The following LMLN variants were observed in gnomAD, a reference collection of about 807,000 sequenced individuals.
The protein encoded by LMLN is leishmanolysin-like peptidase.
In LMLN, 70 loss-of-function variants were observed where a neutral mutation model predicts 92.3. The ratio of observed to expected loss-of-function variants is 0.76; its 90% CI spans 0.63 to 0.92. The LOEUF is 0.92. Among genes scored for constraint, LMLN ranks in the 40% least tolerant of loss-of-function variants. The pLI is 0.00. For missense variants in LMLN, 691 were observed against 814.6 expected, an observed-to-expected ratio of 0.85 and a Z score of 1.85; for synonymous variants, 308 against 296.2, an observed-to-expected ratio of 1.04 and a Z score of -0.41.
chr3:198,009,491 T>C lies in LMLN; in HGVS notation c.1233-9762T>C, dbSNP rs538957135. On this transcript the variant is annotated intron_variant, in intron 11 of 15. Coordinates refer to ENST00000330198, the Ensembl canonical transcript of LMLN. The stretch of plus-strand genomic sequence containing the variant: ...GTAATACTAGCTTTATAAAATGAAC[T>C]AGGAAGTTTTTCCTCCTCTTCTATT... 9.8e-5 allele frequency among the ~76,000 whole-genome samples: 15 copies of C among 152,360 alleles called. No individual in the cohort carries two copies. The South Asian group carries it at 2.9e-3, about 29-fold the overall frequency.
intron 1 of LMLN, among the ~76,000 whole-genome samples, chr3:197,964,848 A>C (rs1375336416): frequency 1.3e-5 from 2 of 151,936 alleles, no homozygotes; most frequent in African/African-American, 2.4e-5. Flanking sequence ...CTCTACTAAA[A>C]ATACAAAAAT....
At chr3:197,964,688 C>T (rs1299952588) in intron 1 of LMLN, among the ~76,000 whole-genome samples, 5 of 151,302 alleles carry the variant, frequency 3.3e-5, no homozygotes, top group African/African-American at 4.8e-5. Flanking sequence ...TGAGCCACCA[C>T]GCCCGGCCTA....
Position 197,986,862 on chromosome 3 carries a change from G to GAC in LMLN, c.929+974_929+975dup, listed in dbSNP as rs1553819032. Among the ~76,000 whole-genome samples, 221 of 105,646 alleles carry GAC rather than the reference G, an allele frequency of 2.1e-3. 2 individuals carry two copies. Among genetic ancestry groups the GAC allele is most frequent in the African/African-American group, 0.015 (202 of 13,166 alleles). 69.3% of individuals were successfully genotyped at this position (105,646 alleles called of 152,430 possible). The stretch of plus-strand genomic sequence containing the variant: ...TTTTTTTCTTTTTTTTTTTTTTTGA[G>GAC]ACAGTCTCGCTCTGTCGTTCAGGCT... On this transcript the variant is annotated intron_variant, in intron 8 of 15. Coordinates refer to ENST00000330198, the Ensembl canonical transcript of LMLN.
rs533088562 is a variant in LMLN, at chr3:197,964,353, T to A, written c.219+3913T>A. On this transcript the variant is annotated intron_variant, in intron 1 of 15. Transcript: ENST00000330198. ...GCTGCTCTTCACAAATTTTGACACT[T>A]TGCATTTTAATTATCATTTAGGTTA... Among the ~76,000 whole-genome samples the A allele has an allele frequency of 2.0e-5, 3 of 152,202 alleles. No individual in the cohort carries two copies. In the South Asian group the frequency reaches 6.2e-4, roughly 32 times the overall value.
intron 14 of LMLN, 85 bp from the exon 16 acceptor site, chr3:198,035,748 T>A (rs1723201659): frequency 9.8e-7 from 1 of 1,024,906 alleles, no homozygotes; most frequent in Admixed American, 2.4e-5. Context: ...TAATATATTT[T>A]CCTGTAGTTG....
intron 15 of LMLN, 152 bp downstream of exon 16, chr3:198,036,195 C>T (rs2109959869): frequency 1.4e-6 from 1 of 693,736 alleles, no homozygotes; most frequent in East Asian, 2.7e-5. Flanking sequence ...CTCCTTCCCA[C>T]CATTATCGGA....
At chr3:198,038,428 G>T in intron 15 of LMLN, 139 bp from the exon 17 acceptor site, 3 of 627,476 alleles carry the variant, frequency 4.8e-6, no homozygotes, top group South Asian at 4.3e-5. Flanking sequence ...TTTATACCTG[G>T]GTTTTGCTCT....
At chr3:197,984,286 G>C (rs1721637590) in intron 7 of LMLN, among the ~76,000 whole-genome samples, 1 of 152,034 alleles carries the variant, frequency 6.6e-6, no homozygotes, top group Admixed American at 6.6e-5. Flanking sequence ...AGGATGGCTT[G>C]AGCCCAGGGA....
chr3:198,020,768 AT>A (rs71166715), intron 12 of LMLN, among the ~76,000 whole-genome samples: 1,233 of 32,804 alleles, frequency 0.038, 3 homozygotes, highest in East Asian at 0.12. Context: ...TAATTTTTGT[AT>A]TTTTTTTTTT....
At chr3:198,026,563 C>G (rs907430007) in intron 14 of LMLN, among the ~76,000 whole-genome samples, 1 of 152,194 alleles carries the variant, frequency 6.6e-6, no homozygotes, top group Non-Finnish European at 1.5e-5. Context: ...CCTCAGCCTC[C>G]CAAAGTGCTG....
chr3:198,013,165 C>T (rs111232614), intron 11 of LMLN, among the ~76,000 whole-genome samples: 4,433 of 105,486 alleles, frequency 0.042, 178 homozygotes, highest in African/African-American at 0.071. Context: ...TGACTTCTCT[C>T]CACCCTTTAG....
exon 10 of LMLN, chr3:197,996,186 A>G (rs146386695): frequency 1.3e-6 from 2 of 1,566,252 alleles, no homozygotes; most frequent in Non-Finnish European, 1.7e-6. Context: ...AGGAAGCACG[A>G]AAACATTTTG....
chr3:197,963,333 A>T (rs1413596200), intron 1 of LMLN, among the ~76,000 whole-genome samples: 1 of 151,844 alleles, frequency 6.6e-6, no homozygotes, highest in Non-Finnish European at 1.5e-5. Flanking sequence ...TCTCCCAAGT[A>T]GCTGGGACTC....
intron 9 of LMLN, among the ~76,000 whole-genome samples, chr3:197,992,701 G>C (rs566554472): frequency 1.7e-4 from 26 of 152,274 alleles, no homozygotes; most frequent in African/African-American, 6.3e-4. Flanking sequence ...TTCACCAAAT[G>C]TTTAAAGAAG....
chr3:197,999,484 C>T (rs1257138336), intron 11 of LMLN, 142 bp downstream of exon 11: 5 of 620,528 alleles, frequency 8.1e-6, no homozygotes, highest in African/African-American at 3.7e-5. Flanking sequence ...GTTAGCTGTC[C>T]GTTATTCATA....
At chr3:198,007,026 G>GT (rs1378460871) in intron 11 of LMLN, among the ~76,000 whole-genome samples, 3 of 152,272 alleles carry the variant, frequency 2.0e-5, no homozygotes, top group Non-Finnish European at 4.4e-5. Context: ...TAATTGGATT[G>GT]TTTTTTACTG....
At chr3:197,993,484 G>A (rs1295896522) in intron 9 of LMLN, among the ~76,000 whole-genome samples, 1 of 151,384 alleles carries the variant, frequency 6.6e-6, no homozygotes, top group Non-Finnish European at 1.5e-5. Context: ...AAGAAATCAA[G>A]AAAACAATCT....
chr3:198,026,583 G>A (rs1233460597), intron 14 of LMLN, among the ~76,000 whole-genome samples: 2 of 152,192 alleles, frequency 1.3e-5, no homozygotes, highest in Non-Finnish European at 2.9e-5. Flanking sequence ...GGGATTATAA[G>A]CATGAGCCAC....
In LMLN at chr3:198,025,530, C is replaced by T. The variant is rs1384273060; in HGVS notation, c.1656+742C>T. Among the ~76,000 whole-genome samples the T allele has an allele frequency of 8.5e-5, 13 of 152,194 alleles. No homozygotes were observed. In the East Asian group the frequency reaches 1.9e-3, roughly 23 times the overall value. ...GGGACTACAGTGTGCACCACACACC[C>T]GACTAAGTGTTTGATTTTTTGTAGA... is the stretch of plus-strand genomic sequence containing the variant. On this transcript the variant is annotated intron_variant, in intron 14 of 15. Transcript: ENST00000330198. This position sits in a 1 kb window ranked among gnomAD's most constrained non-coding sequence, Gnocchi z 4.3.
Sources: allele counts gnomAD v4.1 joint callset (sites outside exome capture counted in the v4.1 genomes callset), GRCh38; gene constraint gnomAD v4.1.1; non-coding constraint Gnocchi (gnomAD v3.1); transcripts MANE v1.5; gene names NCBI Gene and HGNC (gene_info 2026-07-23, HGNC 2026-07-21).